EML1: variants seen among roughly 807,000 people sequenced by gnomAD.
EML1 encodes echinoderm microtubule-associated protein-like 1.
EML1 carries 27 observed loss-of-function variants against 110.4 expected under a neutral mutation model. The ratio of observed to expected loss-of-function variants is 0.24; its 90% CI spans 0.18 to 0.34. The LOEUF (loss-of-function observed/expected upper bound fraction) is 0.34. Ranked by LOEUF, EML1 falls within the 10% of genes least tolerant of loss-of-function variation. The probability of loss-of-function intolerance (pLI) is 1.00; values close to 1 mark genes in which losing one functional copy is unlikely to be tolerated. For synonymous variants in EML1, 344 were observed against 385.8 expected (o/e 0.89, Z 1.27); for missense variants, 741 against 1,030.9 (o/e 0.72, Z 3.85).
At position 99,910,165 on chromosome 14, in the gene EML1, C is replaced by T. The variant is rs10140426; in HGVS notation, c.1240-77C>T. ...ACTGCGAATCTAGATGTTATTAGTA[C>T]AAATGAAAGGTTGTCTGGAATATAT... On this transcript the variant is annotated intron_variant, in intron 11 of 21. Coordinates refer to ENST00000262233, the MANE Select transcript of EML1 (RefSeq NM_004434.3). The T allele has an allele frequency of 0.22, 241,849 of 1,110,506 alleles. 32,182 individuals are homozygous for T. Among genetic ancestry groups the T allele is most frequent in the African/African-American group, 0.5 (31,411 of 62,668 alleles). The allele number at this position is 1,110,506 out of a possible 1,614,324, so 68.8% of individuals were successfully genotyped here.
At chr14:99,795,725 TTTTTC>T (rs1300052772) in intron 1 of EML1, among the ~76,000 whole-genome samples, 10 of 152,182 alleles carry the variant, frequency 6.6e-5, no homozygotes, top group African/African-American at 2.2e-4. Flanking sequence ...GGCAAACAAT[TTTTTC>T]TTTTTAAATG....
Position 99,909,330 on chromosome 14 carries a change from C to A in EML1, c.1105-15C>A. The A allele has an allele frequency of 6.2e-7, 1 of 1,614,146 alleles. No individual in the cohort carries two copies. The highest frequency in any genetic ancestry group is 2.2e-5 in the East Asian group (1 of 44,882). On this transcript the variant is annotated splice_polypyrimidine_tract_variant and intron_variant, in intron 10 of 21. Transcript: ENST00000262233. Reference sequence around the variant, plus strand: ...TAAGAGATGTGAGGCATCCGAGTCCCTGTTTTTCCTATAGTGCTCTAATGA... The same window carrying A: ...TAAGAGATGTGAGGCATCCGAGTCCATGTTTTTCCTATAGTGCTCTAATGA...
intron 1 of EML1, among the ~76,000 whole-genome samples, chr14:99,833,451 T>A (rs527337429): frequency 6.6e-6 from 1 of 152,246 alleles, no homozygotes; most frequent in Non-Finnish European, 1.5e-5. Flanking sequence ...TTCAAAGTTG[T>A]GGCTAGTCTA....
chr14:99,889,047 G>A (rs998203614), intron 4 of EML1, among the ~76,000 whole-genome samples: 1 of 152,220 alleles, frequency 6.6e-6, no homozygotes, highest in African/African-American at 2.4e-5. Context: ...AGGCATGCCA[G>A]GAGGAAAGCC....
intron 6 of EML1, among the ~76,000 whole-genome samples, chr14:99,896,359 CTT>C (rs57881358): frequency 1.3e-5 from 2 of 149,422 alleles, no homozygotes; most frequent in Non-Finnish European, 3.0e-5. Flanking sequence ...CCCCAAAATA[CTT>C]TTTTTTTTTC....
intron 1 of EML1, among the ~76,000 whole-genome samples, chr14:99,748,033 C>T (rs758998126): frequency 6.6e-6 from 1 of 152,232 alleles, no homozygotes; most frequent in Non-Finnish European, 1.5e-5. Context: ...TGAGATCATG[C>T]GTGCCTGGGT....
At chr14:99,904,474 A>C (rs2059811747) in intron 9 of EML1, among the ~76,000 whole-genome samples, 1 of 152,226 alleles carries the variant, frequency 6.6e-6, no homozygotes, top group South Asian at 2.1e-4. Context: ...TTTATTTCCC[A>C]AAAATTACTT....
chr14:99,919,204 TACTG>T (rs1401621621), intron 16 of EML1, among the ~76,000 whole-genome samples: 1 of 152,174 alleles, frequency 6.6e-6, no homozygotes, highest in Non-Finnish European at 1.5e-5. Context: ...TGTATACATT[TACTG>T]TGGTTTCAGT....
chr14:99,760,297 CTCTT>C (rs1213663725), intron 1 of EML1, among the ~76,000 whole-genome samples: 1 of 152,146 alleles, frequency 6.6e-6, no homozygotes, highest in East Asian at 1.9e-4. Flanking sequence ...TCTCTCCCTT[CTCTT>C]TCTTTCTGTG....
rs559868706 is a variant in EML1, at chr14:99,860,769, T to C, written c.251-4745T>C. Reference sequence around the variant, plus strand: ...AGTTGGGATCTATCCAACTTCTCAGTCATTCCAAGAGTAGTCAGTGTGTGT... The same window carrying C: ...AGTTGGGATCTATCCAACTTCTCAGCCATTCCAAGAGTAGTCAGTGTGTGT... On this transcript the variant is annotated intron_variant, in intron 2 of 21. Transcript: ENST00000262233. Among the ~76,000 whole-genome samples the C allele has an allele frequency of 1.2e-3, 190 of 152,244 alleles. No individual in the cohort carries two copies. The Middle Eastern group carries it at 0.014, about 11-fold the overall frequency.
At chr14:99,859,908 C>T (rs1595391025) in intron 2 of EML1, among the ~76,000 whole-genome samples, 1 of 152,208 alleles carries the variant, frequency 6.6e-6, no homozygotes, top group Non-Finnish European at 1.5e-5. Context: ...ATAATGGCTA[C>T]CACTTCTAGG....
At chr14:99,841,852 T>C (rs1418136681) in intron 1 of EML1, among the ~76,000 whole-genome samples, 2 of 152,090 alleles carry the variant, frequency 1.3e-5, no homozygotes, top group Admixed American at 6.6e-5. Context: ...CACCGCCCCA[T>C]AGACGCAGTT....
chr14:99,810,793 C>G (rs1280529694), intron 1 of EML1, among the ~76,000 whole-genome samples: 1 of 152,148 alleles, frequency 6.6e-6, no homozygotes, highest in Admixed American at 6.5e-5. Flanking sequence ...TAACATATTA[C>G]ATGTTTCAAA....
intron 1 of EML1, among the ~76,000 whole-genome samples, chr14:99,761,459 G>T (rs1006899961): frequency 1.3e-5 from 2 of 152,172 alleles, no homozygotes; most frequent in African/African-American, 4.8e-5. Flanking sequence ...TGTCTTACTG[G>T]GAGGCGCCTG....
At chr14:99,933,031 GAGGAGGTCA>G (rs1206696103) in intron 17 of EML1, among the ~76,000 whole-genome samples, 1 of 151,930 alleles carries the variant, frequency 6.6e-6, no homozygotes, top group Non-Finnish European at 1.5e-5. Context: ...GGCAGGAGTC[GAGGAGGTCA>G]AGGCTGTAGT....
chr14:99,853,617 A>C (rs1179610902), intron 2 of EML1, among the ~76,000 whole-genome samples: 1 of 152,102 alleles, frequency 6.6e-6, no homozygotes, highest in East Asian at 1.9e-4. Context: ...ATCACTTCAT[A>C]ATATTTTGGC....
intron 1 of EML1, among the ~76,000 whole-genome samples, chr14:99,814,448 A>G (rs2058133590): frequency 6.6e-6 from 1 of 152,024 alleles, no homozygotes; most frequent in Non-Finnish European, 1.5e-5. Context: ...TAAATTTTGT[A>G]GTGCTGGGAT....
At chr14:99,874,305 C>T (rs1377918193) in intron 3 of EML1, among the ~76,000 whole-genome samples, 1 of 152,074 alleles carries the variant, frequency 6.6e-6, no homozygotes, top group African/African-American at 2.4e-5. Context: ...TTTGGGTGTG[C>T]GGACAGAGAG....
chr14:99,935,987 G>T, intron 17 of EML1, 42 bp from the exon 18 acceptor site: 1 of 1,535,730 alleles, frequency 6.5e-7, no homozygotes, highest in Non-Finnish European at 8.9e-7. Flanking sequence ...AACAAAATGT[G>T]TATTGTTAAC....
Sources: allele counts gnomAD v4.1 joint callset (sites outside exome capture counted in the v4.1 genomes callset), GRCh38; gene constraint gnomAD v4.1.1; transcripts MANE v1.5; gene names NCBI Gene and HGNC (gene_info 2026-07-23, HGNC 2026-07-21).